Variants in ITPKC observed in about 807,000 individuals in gnomAD.
ITPKC encodes the protein IP3 3-kinase C.
ITPKC carries 33 observed loss-of-function variants against 67.1 expected under a neutral mutation model. The ratio of observed to expected loss-of-function variants is 0.49; its 90% CI spans 0.37 to 0.66. ITPKC has a LOEUF of 0.66. ITPKC is among the 30% of genes least tolerant of loss of function. ITPKC has a pLI of 0.00. For synonymous variants in ITPKC, 341 were observed against 359.8 expected, an observed-to-expected ratio of 0.95 and a Z score of 0.59; for missense variants, 820 against 892.1, an observed-to-expected ratio of 0.92 and a Z score of 1.03.
intron 4 of ITPKC, among the ~76,000 whole-genome samples, chr19:40,735,842 A>G (rs1386897126): frequency 6.6e-6 from 1 of 152,124 alleles, no homozygotes; most frequent in Non-Finnish European, 1.5e-5. Context: ...GTCTCAAATA[A>G]CTATATGCCA....
intron 2 of ITPKC, among the ~76,000 whole-genome samples, 184 bp downstream of exon 2, chr19:40,725,623 C>G (rs1357287853): frequency 6.6e-6 from 1 of 152,198 alleles, no homozygotes; most frequent in African/African-American, 2.4e-5. Flanking sequence ...AGGGCTATTC[C>G]TTGTTATTCT....
intron 1 of ITPKC, among the ~76,000 whole-genome samples, chr19:40,719,399 A>G (rs2082210639): frequency 6.6e-6 from 1 of 151,882 alleles, no homozygotes; most frequent in Non-Finnish European, 1.5e-5. Flanking sequence ...AATAATAACA[A>G]CAACAATTAG....
intron 1 of ITPKC, among the ~76,000 whole-genome samples, chr19:40,722,053 A>G (rs1158539836): frequency 2.0e-5 from 3 of 151,998 alleles, no homozygotes; most frequent in African/African-American, 4.8e-5. Flanking sequence ...TCTTCAGTCC[A>G]AGCATCAAAG....
At chr19:40,736,287 C>CA (rs938945517) in intron 4 of ITPKC, among the ~76,000 whole-genome samples, 112 of 139,534 alleles carry the variant, frequency 8.0e-4, no homozygotes, top group African/African-American at 2.1e-3. Context: ...GAGACTCTGT[C>CA]AAAAAAAAAA....
At chr19:40,721,620 CA>C in intron 1 of ITPKC, among the ~76,000 whole-genome samples, 1 of 152,154 alleles carries the variant, frequency 6.6e-6, no homozygotes, top group South Asian at 2.1e-4. Flanking sequence ...CCACCCACCT[CA>C]GCCTCCCAAA....
intron 3 of ITPKC, among the ~76,000 whole-genome samples, chr19:40,729,670 G>T (rs1315904712): frequency 6.6e-6 from 1 of 152,080 alleles, no homozygotes; most frequent in Non-Finnish European, 1.5e-5. Context: ...AGGAGGCTGA[G>T]GCAGGAGAAT....
chr19:40,725,402 A>G lies in ITPKC; in HGVS notation c.1218A>G (p.Arg406=). ...ATTCACCCTTTGTGGTCTCCTTCCG[A>G]AAACACTACCCTTGGGTCCAGCTTT... is the stretch of plus-strand genomic sequence containing the variant. The part of the protein sequence containing the change: ...LKYSPFVVSF[R]KHYPWVQLSG... Residue 406 remains arginine, a synonymous_variant, in exon 2 of 7, where the codon CGA becomes CGG. Transcript: ENST00000263370. 1.2e-6 allele frequency: 2 copies of G among 1,613,770 alleles called. No individual in the cohort carries two copies. Among genetic ancestry groups the G allele is most frequent in the Non-Finnish European group, 1.7e-6 (2 of 1,179,586 alleles).
In ITPKC at chr19:40,717,447, A is replaced by G; in HGVS notation, c.312A>G (p.Val104=). 1.2e-6 allele frequency: 2 copies of G among 1,614,024 alleles called. No individual in the cohort carries two copies. The highest frequency in any genetic ancestry group is 1.7e-6 in the Non-Finnish European group (2 of 1,180,004). ...AGCCCGCGGCAGCTGGCCTTGGAGT[A>G]GAGACCGAGAGGCCCAAGCAAAAGA... ...QTEPAAAGLG[V]ETERPKQKTE... is the part of the protein sequence containing the mutation. Residue 104 remains valine, a synonymous_variant, in exon 1 of 7, where the codon GTA becomes GTG. Coordinates refer to ENST00000263370, the MANE Select transcript of ITPKC (RefSeq NM_025194.3).
intron 3 of ITPKC, among the ~76,000 whole-genome samples, chr19:40,731,391 C>T (rs2082269974): frequency 6.6e-6 from 1 of 152,194 alleles, no homozygotes; most frequent in South Asian, 2.1e-4. Flanking sequence ...AAACCATCCC[C>T]CTCACAGTCT....
At chr19:40,737,914 G>A in intron 6 of ITPKC, 145 bp downstream of exon 6, 1 of 654,998 alleles carries the variant, frequency 1.5e-6, no homozygotes. Context: ...ACTTTGGGAG[G>A]CTGAGGTGGG....
At chr19:40,736,188 G>T (rs768333469) in intron 4 of ITPKC, among the ~76,000 whole-genome samples, 35 of 152,104 alleles carry the variant, frequency 2.3e-4, no homozygotes, top group Non-Finnish European at 3.1e-4. Context: ...CTATCAGGAG[G>T]CTGAGGCAGG....
chr19:40,723,482 T>A (rs1395865123), intron 1 of ITPKC, among the ~76,000 whole-genome samples: 1 of 146,134 alleles, frequency 6.8e-6, no homozygotes, highest in Non-Finnish European at 1.5e-5. Context: ...TCTCTTTTAG[T>A]CTTCCTATAT....
chr19:40,725,496 A>G, intron 2 of ITPKC, 57 bp downstream of exon 2: 1 of 1,192,316 alleles, frequency 8.4e-7, no homozygotes, highest in Non-Finnish European at 1.3e-6. Flanking sequence ...AGGGAAAGGG[A>G]TGTTCTCTGT....
At position 40,726,022 on chromosome 19, in the gene ITPKC, C is replaced by T. The variant is rs185333478; in HGVS notation, c.1255+583C>T. On this transcript the variant is annotated intron_variant, in intron 2 of 6. Transcript: ENST00000263370. ...TTGGGAGGCCGAGGTGGGTGGATCC[C>T]CTGAGGTCAGGAGTTTAAGACCAGC... Among the ~76,000 whole-genome samples, 1,040 of 152,114 alleles carry T rather than the reference C, an allele frequency of 6.8e-3. 22 individuals carry two copies. Among genetic ancestry groups the T allele is most frequent in the Non-Finnish European group, 5.0e-3 (340 of 67,998 alleles).
At chr19:40,724,063 ACT>A (rs2082234766) in intron 1 of ITPKC, among the ~76,000 whole-genome samples, 2 of 152,104 alleles carry the variant, frequency 1.3e-5, no homozygotes, top group Non-Finnish European at 2.9e-5. Context: ...CGAGTCATAA[ACT>A]GGCTCTTAAG....
chr19:40,725,701 C>T (rs2082243701), intron 2 of ITPKC, among the ~76,000 whole-genome samples: 1 of 152,326 alleles, frequency 6.6e-6, no homozygotes, highest in East Asian at 1.9e-4. Context: ...TCATGGGTGA[C>T]CTTGGGCAAG....
intron 1 of ITPKC, 65 bp from the exon 2 acceptor site, chr19:40,725,275 C>A: frequency 9.8e-7 from 1 of 1,020,832 alleles, no homozygotes; most frequent in Non-Finnish European, 1.5e-6. Flanking sequence ...CCTCTCATGG[C>A]AGCACCTCTA....
Position 40,718,288 on chromosome 19 carries a change from G to C in ITPKC, c.1153G>C (p.Gly385Arg). Reference sequence around the variant, plus strand: ...TGCCAGCGATCCCGAGGACAGGTCTGGGGTGAGTGGGACCCATCCTGCCCT... The same window carrying C: ...TGCCAGCGATCCCGAGGACAGGTCTCGGGTGAGTGGGACCCATCCTGCCCT... ...GGASDPEDRS[G>R]SKPWKKLKTV... The change falls in exon 1 of 7, where the codon GGG (glycine) becomes CGG (arginine). Residue 385 changes from glycine (G) to arginine (R), a missense_variant and splice_region_variant. Physicochemically the swap from Gly to Arg is moderately radical, Grantham distance 125. Transcript: ENST00000263370. 6.6e-7 allele frequency: 1 copy of C among 1,510,638 alleles called. No individual in the cohort carries two copies. The highest frequency in any genetic ancestry group is 8.8e-7 in the Non-Finnish European group (1 of 1,135,600). The allele number at this position is 1,510,638 out of a possible 1,614,324, so 93.6% of individuals were successfully genotyped here.
intron 1 of ITPKC, among the ~76,000 whole-genome samples, chr19:40,720,927 A>T (rs919220906): frequency 6.6e-6 from 1 of 151,416 alleles, no homozygotes. Context: ...TTTTTTTAAA[A>T]TTGTGTTCTC....
Sources: allele counts gnomAD v4.1 joint callset (sites outside exome capture counted in the v4.1 genomes callset), GRCh38; gene constraint gnomAD v4.1.1; transcripts MANE v1.5; gene names NCBI Gene and HGNC (gene_info 2026-07-23, HGNC 2026-07-21).